TDP1: variants seen among roughly 807,000 people sequenced by gnomAD.
TDP1 encodes the protein tyrosyl-DNA phosphodiesterase 1.
TDP1 carries 64 observed loss-of-function variants against 81.5 expected under a neutral mutation model. The ratio of observed to expected loss-of-function variants is 0.79; its 90% CI spans 0.64 to 0.97. The LOEUF is 0.97. Ranked by LOEUF, TDP1 falls within the 50% of genes least tolerant of loss-of-function variation. The pLI, the probability that TDP1 is intolerant of heterozygous loss-of-function variation, is 0.00. For synonymous variants in TDP1, 256 were observed against 264.3 expected (o/e 0.97, Z 0.30); for missense variants, 723 against 743.8 (o/e 0.97, Z 0.33).
intron 15 of TDP1, among the ~76,000 whole-genome samples, chr14:90,025,619 T>C (rs1328805309): frequency 6.6e-6 from 1 of 152,244 alleles, no homozygotes; most frequent in East Asian, 1.9e-4. Flanking sequence ...TCAAAGACTT[T>C]ATTCTTTTCA....
intron 5 of TDP1, among the ~76,000 whole-genome samples, chr14:89,970,452 TGTG>T (rs1193951934): frequency 1.3e-5 from 2 of 152,138 alleles, no homozygotes; most frequent in Admixed American, 6.5e-5. Flanking sequence ...TGAATATAGA[TGTG>T]GTGTGAAATG....
intron 15 of TDP1, among the ~76,000 whole-genome samples, chr14:90,027,262 C>T (rs1394988107): frequency 1.3e-5 from 2 of 152,100 alleles, no homozygotes; most frequent in African/African-American, 4.8e-5. Context: ...TACTGGTTGT[C>T]ACCTTCTCTC....
intron 14 of TDP1, among the ~76,000 whole-genome samples, chr14:90,006,323 C>G (rs973338749): frequency 6.6e-6 from 1 of 152,102 alleles, no homozygotes; most frequent in African/African-American, 2.4e-5. Flanking sequence ...GATAGCCACC[C>G]TGGAAACACA....
intron 7 of TDP1, chr14:89,980,232 A>G (rs1005243745): frequency 3.0e-6 from 3 of 985,442 alleles, no homozygotes; most frequent in Non-Finnish European, 3.6e-6. Context: ...AACGGTCCCT[A>G]GTAGTAACAG....
At chr14:89,989,837 C>T (rs1320223865) in intron 12 of TDP1, 72 bp downstream of exon 12, 7 of 1,220,460 alleles carry the variant, frequency 5.7e-6, no homozygotes, top group Non-Finnish European at 8.5e-6. Context: ...AGTTTTACTA[C>T]TATTGCGTAG....
intron 14 of TDP1, among the ~76,000 whole-genome samples, chr14:90,001,906 T>A (rs895704068): frequency 6.6e-6 from 1 of 152,160 alleles, no homozygotes; most frequent in Non-Finnish European, 1.5e-5. Context: ...TCGACCTGGT[T>A]GCTTCTTTAT....
intron 14 of TDP1, among the ~76,000 whole-genome samples, chr14:90,001,072 C>T (rs561750839): frequency 3.4e-4 from 52 of 152,252 alleles, no homozygotes; most frequent in African/African-American, 8.4e-4. Flanking sequence ...ATTGGGTCTA[C>T]GTAATATCTT....
At chr14:89,983,555 G>T (rs1895233182) in intron 8 of TDP1, among the ~76,000 whole-genome samples, 1 of 152,176 alleles carries the variant, frequency 6.6e-6, no homozygotes, top group Admixed American at 6.5e-5. Context: ...AGAACCCAGG[G>T]TGGGGAAAAG....
chr14:89,991,631 C>T, intron 12 of TDP1: 1 of 984,880 alleles, frequency 1.0e-6, no homozygotes, highest in Non-Finnish European at 1.2e-6. Flanking sequence ...AAAGGCATCC[C>T]ATGACTATAC....
At chr14:89,979,342 C>T (rs111654015) in intron 7 of TDP1, among the ~76,000 whole-genome samples, 3,175 of 151,024 alleles carry the variant, frequency 0.021, 106 homozygotes, top group African/African-American at 0.072. Context: ...CAGAGTTTCA[C>T]TCTGTCACCC....
At chr14:90,039,702 C>T (rs944146294) in intron 16 of TDP1, among the ~76,000 whole-genome samples, 4 of 151,840 alleles carry the variant, frequency 2.6e-5, no homozygotes, top group African/African-American at 9.7e-5. Flanking sequence ...CTGTTAAGAC[C>T]TACATAGTAC....
At chr14:90,023,936 C>T (rs928185632) in intron 15 of TDP1, among the ~76,000 whole-genome samples, 1 of 152,162 alleles carries the variant, frequency 6.6e-6, no homozygotes, top group Non-Finnish European at 1.5e-5. Flanking sequence ...CCCAAAAGAT[C>T]TTGTCATTTC....
intron 15 of TDP1, among the ~76,000 whole-genome samples, chr14:90,020,927 A>C (rs1270767988): frequency 6.6e-6 from 1 of 150,418 alleles, no homozygotes; most frequent in Non-Finnish European, 1.5e-5. Flanking sequence ...TCCCTAGTAG[A>C]TGGGACTACA....
chr14:89,990,039 A>G (rs1262914494), intron 12 of TDP1, among the ~76,000 whole-genome samples: 2 of 152,214 alleles, frequency 1.3e-5, no homozygotes, highest in Non-Finnish European at 1.5e-5. Flanking sequence ...ATAGCCAAAT[A>G]AAATCAGCTT....
intron 14 of TDP1, among the ~76,000 whole-genome samples, chr14:89,997,372 A>G (rs1405878889): frequency 6.6e-6 from 1 of 152,202 alleles, no homozygotes; most frequent in Non-Finnish European, 1.5e-5. Context: ...GGGCCCTCAA[A>G]GGTGATTCCT....
intron 14 of TDP1, among the ~76,000 whole-genome samples, chr14:90,003,486 G>T (rs1897360684): frequency 6.6e-6 from 1 of 152,170 alleles, no homozygotes; most frequent in Non-Finnish European, 1.5e-5. Context: ...TGGGCAGCCG[G>T]TTGTTAGGGA....
intron 10 of TDP1, among the ~76,000 whole-genome samples, chr14:89,985,877 A>G (rs1895500575): frequency 6.6e-6 from 1 of 152,116 alleles, no homozygotes; most frequent in Admixed American, 6.5e-5. Context: ...AAATACAAAA[A>G]TTAGCCGGGC....
chr14:90,019,723 G>A (rs542460851), intron 15 of TDP1, among the ~76,000 whole-genome samples: 1 of 152,290 alleles, frequency 6.6e-6, no homozygotes, highest in South Asian at 2.1e-4. Flanking sequence ...TTATCTCGAG[G>A]TGGTAGATGA....
In TDP1 at chr14:89,989,739, T is replaced by C; in HGVS notation, c.1340T>C (p.Val447Ala). 6.2e-7 allele frequency: 1 copy of C among 1,611,768 alleles called. No individual in the cohort carries two copies. The highest frequency in any genetic ancestry group is 8.5e-7 in the Non-Finnish European group (1 of 1,177,918). Residue 447 changes from valine (V) to alanine (A), a missense_variant, in exon 12 of 17, where the codon GTG (valine) becomes GCG (alanine). Coordinates refer to ENST00000335725, the MANE Select transcript of TDP1 (RefSeq NM_018319.4). ...TAGATCTATCCTTCTGTGGAAAATG[T>C]GCGGACCAGTTTAGAAGGATATCCT... Reference protein sequence around the residue: ...LYLIYPSVENVRTSLEGYPAG... With the variant: ...LYLIYPSVENARTSLEGYPAG...
Sources: allele counts gnomAD v4.1 joint callset (sites outside exome capture counted in the v4.1 genomes callset), GRCh38; gene constraint gnomAD v4.1.1; transcripts MANE v1.5; gene names NCBI Gene and HGNC (gene_info 2026-07-23, HGNC 2026-07-21).